The following TNIK variants were observed in gnomAD, a reference collection of about 807,000 sequenced individuals.
The protein encoded by TNIK is TRAF2 and NCK-interacting protein kinase.
In TNIK, 49 loss-of-function variants were observed where a neutral mutation model predicts 191.3. The observed-to-expected ratio is 0.26, with a 90% CI of 0.20 to 0.32. The LOEUF is 0.32. Ranked by LOEUF, TNIK falls within the 10% of genes least tolerant of loss-of-function variation. The probability of loss-of-function intolerance (pLI) is 1.00; values close to 1 mark genes in which losing one functional copy is unlikely to be tolerated. For missense variants in TNIK, 1,155 were observed against 1,702.3 expected, an observed-to-expected ratio of 0.68 and a Z score of 5.66; for synonymous variants, 594 against 600.9, an observed-to-expected ratio of 0.99 and a Z score of 0.17.
chr3:171,170,239 C>G (rs1451364655), intron 9 of TNIK, among the ~76,000 whole-genome samples: 4 of 152,222 alleles, frequency 2.6e-5, no homozygotes, highest in Admixed American at 2.6e-4. Context: ...TACCTACAGT[C>G]TGATAATACT....
At chr3:171,140,682 TGAGA>T (rs1012404051) in intron 12 of TNIK, among the ~76,000 whole-genome samples, 173 bp from the exon 13 acceptor site, 10 of 151,842 alleles carry the variant, frequency 6.6e-5, no homozygotes, top group Admixed American at 4.6e-4. Flanking sequence ...AGGGAGCGGG[TGAGA>T]GAGAGAGATT....
chr3:171,220,258 G>C (rs1017021801), intron 3 of TNIK, among the ~76,000 whole-genome samples: 8 of 152,138 alleles, frequency 5.3e-5, no homozygotes, highest in African/African-American at 1.9e-4. Context: ...GGCGGGCAAG[G>C]GGAGGGAGAG....
At position 171,125,960 on chromosome 3, in the gene TNIK, C is replaced by A. The variant is rs1194558974; in HGVS notation, c.1965G>T (p.Lys655Asn). ...ENPPLPTRIEKFDRSSWLRQE... is the reference protein window; with the variant it reads ...ENPPLPTRIENFDRSSWLRQE... ...GTCGTAACCAAGAGCTTCGGTCAAA[C>A]TTTTCAATGCGAGTGGGGAGAGGAG... The change falls in exon 17 of 33, where the codon AAG (lysine) becomes AAT (asparagine). Residue 655 changes from lysine to asparagine, a missense_variant. Physicochemically the swap from Lys to Asn is moderately conservative, Grantham distance 94. This residue lies in a region of TNIK where 735 missense variants were observed against 848.0 expected (regional missense o/e 0.87). Transcript: ENST00000436636. 1.2e-6 allele frequency: 2 copies of A among 1,613,876 alleles called. No individual in the cohort carries two copies. The highest frequency in any genetic ancestry group is 1.1e-5 in the South Asian group (1 of 91,080).
At chr3:171,324,404 A>G (rs1445735987) in intron 2 of TNIK, among the ~76,000 whole-genome samples, 2 of 152,146 alleles carry the variant, frequency 1.3e-5, no homozygotes, top group Admixed American at 1.3e-4. Context: ...GAGAAGCAGC[A>G]ACTGGAATCT....
At chr3:171,268,072 T>G (rs1413840791) in intron 2 of TNIK, among the ~76,000 whole-genome samples, 1 of 152,156 alleles carries the variant, frequency 6.6e-6, no homozygotes, top group African/African-American at 2.4e-5. Flanking sequence ...GTCTCAAAAC[T>G]TGAGCCTGAT....
intron 2 of TNIK, among the ~76,000 whole-genome samples, chr3:171,232,694 G>A (rs1397864188): frequency 6.6e-6 from 1 of 152,134 alleles, no homozygotes; most frequent in African/African-American, 2.4e-5. Context: ...AGAGCCTTGG[G>A]GTCACGGCTC....
chr3:171,398,004 T>C (rs1433525591), intron 1 of TNIK, among the ~76,000 whole-genome samples: 1 of 152,214 alleles, frequency 6.6e-6, no homozygotes, highest in African/African-American at 2.4e-5. Context: ...ACCTTAGATA[T>C]GAAGTGATAT....
intron 7 of TNIK, among the ~76,000 whole-genome samples, chr3:171,182,997 C>T (rs956391654): frequency 1.6e-4 from 24 of 152,322 alleles, no homozygotes; most frequent in African/African-American, 5.3e-4. Context: ...ATATACAATG[C>T]AGTACATGCT....
At chr3:171,327,068 T>A (rs772570504) in intron 2 of TNIK, among the ~76,000 whole-genome samples, 1 of 152,194 alleles carries the variant, frequency 6.6e-6, no homozygotes, top group Non-Finnish European at 1.5e-5. Context: ...AGCTAAGCTA[T>A]CCCTGGGATG....
At chr3:171,247,018 C>G (rs1405498213) in intron 2 of TNIK, among the ~76,000 whole-genome samples, 1 of 152,232 alleles carries the variant, frequency 6.6e-6, no homozygotes, top group Non-Finnish European at 1.5e-5. Context: ...GGGCTTAAGT[C>G]TGTGTATGGC....
intron 2 of TNIK, among the ~76,000 whole-genome samples, chr3:171,328,801 C>T (rs994574721): frequency 1.3e-5 from 2 of 152,094 alleles, no homozygotes; most frequent in Non-Finnish European, 2.9e-5. Context: ...TTCCTCATGC[C>T]CTCTAAGGGA....
chr3:171,306,754 T>G (rs1560404591), intron 2 of TNIK, among the ~76,000 whole-genome samples: 1 of 151,812 alleles, frequency 6.6e-6, no homozygotes. Flanking sequence ...CCCAGGAAGC[T>G]GAAAAGAAAA....
At chr3:171,220,941 C>T (rs776771067) in intron 3 of TNIK, among the ~76,000 whole-genome samples, 3 of 152,138 alleles carry the variant, frequency 2.0e-5, no homozygotes, top group Non-Finnish European at 4.4e-5. Context: ...AGGCCATACA[C>T]ACAGCATGCA....
intron 2 of TNIK, chr3:171,347,309 A>G: frequency 5.7e-6 from 8 of 1,391,530 alleles, no homozygotes; most frequent in South Asian, 1.3e-5. Flanking sequence ...TTGACAGCCA[A>G]GCTAGTTCTA....
intron 3 of TNIK, among the ~76,000 whole-genome samples, chr3:171,220,975 A>T (rs1174440391): frequency 6.6e-6 from 1 of 152,130 alleles, no homozygotes; most frequent in Non-Finnish European, 1.5e-5. Flanking sequence ...AGACCCAGAC[A>T]CACATAAGCC....
intron 4 of TNIK, among the ~76,000 whole-genome samples, chr3:171,202,133 C>A (rs1452074819): frequency 1.3e-5 from 2 of 152,088 alleles, no homozygotes; most frequent in African/African-American, 4.8e-5. Flanking sequence ...AGAAACGTTA[C>A]GGACATTAGC....
chr3:171,211,211 T>G lies in TNIK; in HGVS notation c.211A>C (p.Asn71His). ...TGATGAGAATATTTCTTCAACATGTTAATTTCTTGTTTGATTTCTTCCTCT... is the reference window on the plus strand; with the variant it reads ...TGATGAGAATATTTCTTCAACATGTGAATTTCTTGTTTGATTTCTTCCTCT... ...DEEEEIKQEINMLKKYSHHRN... is the reference protein window; with the variant it reads ...DEEEEIKQEIHMLKKYSHHRN... The change falls in exon 4 of 33, where the codon AAC (asparagine) becomes CAC (histidine). Residue 71 changes from asparagine (N) to histidine (H), a missense_variant. Transcript: ENST00000436636. The G allele has an allele frequency of 6.2e-7, 1 of 1,611,120 alleles. No homozygotes were observed. The highest frequency in any genetic ancestry group is 8.5e-7 in the Non-Finnish European group (1 of 1,178,646).
chr3:171,421,110 A>G (rs897774404), intron 1 of TNIK, among the ~76,000 whole-genome samples: 2 of 152,232 alleles, frequency 1.3e-5, no homozygotes, highest in African/African-American at 4.8e-5. Flanking sequence ...ATGAAAGACC[A>G]GGTTAGACAG....
intron 2 of TNIK, among the ~76,000 whole-genome samples, chr3:171,316,963 A>G (rs1164004228): frequency 7.8e-6 from 1 of 128,720 alleles, no homozygotes; most frequent in Non-Finnish European, 1.7e-5. Flanking sequence ...TATAAAATAT[A>G]TAATTATATG....
Sources: gnomAD v4.1 joint callset for allele counts (sites outside exome capture counted in the v4.1 genomes callset) on GRCh38, gnomAD v4.1.1 for gene constraint, gnomAD v4.1.1 regional missense constraint, MANE v1.5 for transcripts, NCBI Gene and HGNC (gene_info 2026-07-23, HGNC 2026-07-21) for gene names.